NFIL3: variants seen among roughly 807,000 people sequenced by gnomAD.
The protein encoded by NFIL3 is nuclear factor interleukin-3-regulated protein.
Under a neutral mutation model 10.0 loss-of-function variants are expected in NFIL3, and 5 were observed. That is an observed-to-expected ratio of 0.50 (90% CI 0.26 to 1.06). The LOEUF (loss-of-function observed/expected upper bound fraction) is 1.06. Among genes scored for constraint, NFIL3 ranks in the 50% least tolerant of loss-of-function variants. NFIL3 has a pLI of 0.13. For missense variants in NFIL3, 436 were observed against 547.6 expected (o/e 0.80, Z 2.03); for synonymous variants, 202 against 206.5 (o/e 0.98, Z 0.19).
the NFIL3 span, among the ~76,000 whole-genome samples, chr9:91,445,901 A>G: frequency 5.2e-4 from 79 of 152,104 alleles, no homozygotes; most frequent in African/African-American, 1.8e-3. Flanking sequence ...TGGTAATGCT[A>G]TCATGTGGGC....
chr9:91,446,189 G>A, the NFIL3 span, among the ~76,000 whole-genome samples: 1 of 152,154 alleles, frequency 6.6e-6, no homozygotes. Context: ...GGGGTTTCAG[G>A]AGTCCTCTTG....
chr9:91,430,454 A>T, the NFIL3 span, among the ~76,000 whole-genome samples: 1 of 152,104 alleles, frequency 6.6e-6, no homozygotes, highest in Non-Finnish European at 1.5e-5. Context: ...CCAGGCCCTT[A>T]GAGGTTAATG....
At chr9:91,467,285 T>A in the NFIL3 span, among the ~76,000 whole-genome samples, 1 of 152,186 alleles carries the variant, frequency 6.6e-6, no homozygotes, top group Admixed American at 6.5e-5. Context: ...ATATGATGTA[T>A]GTGTGCATGT....
At chr9:91,469,442 G>C in the NFIL3 span, among the ~76,000 whole-genome samples, 1 of 152,244 alleles carries the variant, frequency 6.6e-6, no homozygotes, top group African/African-American at 2.4e-5. Flanking sequence ...TGAGACGATG[G>C]GGCTTTCTAA....
At chr9:91,431,216 C>CT in the NFIL3 span, among the ~76,000 whole-genome samples, 2 of 152,172 alleles carry the variant, frequency 1.3e-5, no homozygotes, top group African/African-American at 2.4e-5. Context: ...GTTTTAAATG[C>CT]TTTTTTTCCC....
chr9:91,480,321 T>C, the NFIL3 span, among the ~76,000 whole-genome samples: 2 of 152,048 alleles, frequency 1.3e-5, no homozygotes, highest in East Asian at 3.9e-4. Flanking sequence ...ATACTCTAAA[T>C]TATAGTAGTT....
upstream of NFIL3, among the ~76,000 whole-genome samples, chr9:91,424,589 G>GGA (rs1435421831): frequency 8.5e-5 from 13 of 152,204 alleles, 1 homozygote; most frequent in Admixed American, 7.8e-4. Context: ...GAGCCGGGAG[G>GGA]GAAAGCTCCA....
chr9:91,419,660 T>C (rs1833720875), intron 1 of NFIL3, among the ~76,000 whole-genome samples: 1 of 152,254 alleles, frequency 6.6e-6, no homozygotes, highest in Admixed American at 6.5e-5. Flanking sequence ...GAAATGTGGA[T>C]GATAACAGAG....
At chr9:91,453,415 A>C in the NFIL3 span, among the ~76,000 whole-genome samples, 2 of 152,102 alleles carry the variant, frequency 1.3e-5, no homozygotes, top group South Asian at 2.1e-4. Context: ...GCAGAATACA[A>C]ACATTTGGTA....
upstream of NFIL3, chr9:91,427,066 C>G (rs929757553): frequency 6.6e-6 from 1 of 151,332 alleles, no homozygotes; most frequent in Non-Finnish European, 1.5e-5. Context: ...CTCAAAAGAA[C>G]GTTGACTTTT....
chr9:91,449,259 G>GTGAACTT, the NFIL3 span, among the ~76,000 whole-genome samples: 3 of 152,128 alleles, frequency 2.0e-5, no homozygotes, highest in Non-Finnish European at 4.4e-5. Flanking sequence ...CAGGGTGAAA[G>GTGAACTT]TGAACTTCCT....
At chr9:91,470,928 C>T in the NFIL3 span, among the ~76,000 whole-genome samples, 3 of 152,098 alleles carry the variant, frequency 2.0e-5, no homozygotes, top group African/African-American at 7.2e-5. Context: ...CTGAGGAGTG[C>T]TTTACTTCCA....
the NFIL3 span, among the ~76,000 whole-genome samples, chr9:91,438,778 T>C: frequency 6.6e-6 from 1 of 152,216 alleles, no homozygotes; most frequent in Non-Finnish European, 1.5e-5. Flanking sequence ...CCTTTCTCCA[T>C]TGTGTCCTCT....
the NFIL3 span, among the ~76,000 whole-genome samples, chr9:91,472,606 T>C: frequency 1.3e-5 from 2 of 152,174 alleles, no homozygotes; most frequent in African/African-American, 2.4e-5. Flanking sequence ...GCCATTAGTC[T>C]AATCTTTTTT....
chr9:91,460,794 C>T, the NFIL3 span, among the ~76,000 whole-genome samples: 1 of 152,172 alleles, frequency 6.6e-6, no homozygotes, highest in Non-Finnish European at 1.5e-5. Context: ...ACATCTGGCT[C>T]ATAATGCATG....
the NFIL3 span, among the ~76,000 whole-genome samples, chr9:91,471,663 C>A: frequency 3.3e-5 from 5 of 152,072 alleles, no homozygotes; most frequent in African/African-American, 4.8e-5. Context: ...TCCCTCCCCC[C>A]AAGTCTGTGT....
At chr9:91,472,804 A>G in the NFIL3 span, among the ~76,000 whole-genome samples, 2 of 152,120 alleles carry the variant, frequency 1.3e-5, no homozygotes, top group Non-Finnish European at 2.9e-5. Flanking sequence ...TAGAATTTTC[A>G]GCTTTTCTGC....
At chr9:91,421,363 C>T (rs1405880127) in intron 1 of NFIL3, among the ~76,000 whole-genome samples, 1 of 151,824 alleles carries the variant, frequency 6.6e-6, no homozygotes, top group Non-Finnish European at 1.5e-5. Context: ...CGCGGCGCCT[C>T]CCAGAGACCC....
At position 91,409,355 on chromosome 9, in the gene NFIL3, G is replaced by A. The variant is rs903826780; in HGVS notation, c.1380C>T (p.Asp460=). 13 of 1,565,350 alleles carry A rather than the reference G, an allele frequency of 8.3e-6. No homozygotes were observed. The highest frequency in any genetic ancestry group is 2.7e-5 in the African/African-American group (2 of 73,052). ...CTTACTCAGTAGTAATTTACCCAGA[G>A]TCTGAAGCAGAGATTGGTTGTGTGG... The part of the protein sequence containing the change: ...LIATQPISAS[D]SG Residue 460 remains aspartate, a synonymous_variant, in exon 2 of 2, where the codon GAC becomes GAT. Coordinates refer to ENST00000297689, the MANE Select transcript of NFIL3 (RefSeq NM_005384.3).
Sources: gnomAD v4.1 joint callset for allele counts (sites outside exome capture counted in the v4.1 genomes callset) on GRCh38, gnomAD v4.1.1 for gene constraint, MANE v1.5 for transcripts, NCBI Gene and HGNC (gene_info 2026-07-23, HGNC 2026-07-21) for gene names.